The following PCDH10 variants were observed in gnomAD, a reference collection of about 807,000 sequenced individuals.
PCDH10 encodes the protein protocadherin 10, also known as protocadherin-10.
Under a neutral mutation model 74.4 loss-of-function variants are expected in PCDH10, and 15 were observed. That is an observed-to-expected ratio of 0.20 (90% CI 0.13 to 0.31). PCDH10 has a LOEUF of 0.31. Ranked by LOEUF, PCDH10 falls within the 10% of genes least tolerant of loss-of-function variation. The pLI is 1.00. For synonymous variants in PCDH10, 619 were observed against 589.8 expected (o/e 1.05, Z -0.72); for missense variants, 1,260 against 1,390.2 (o/e 0.91, Z 1.49).
intron 4 of PCDH10, among the ~76,000 whole-genome samples, chr4:133,167,637 T>C (rs1475438075): frequency 6.6e-6 from 1 of 151,508 alleles, no homozygotes; most frequent in East Asian, 1.9e-4. Flanking sequence ...TGTTAATTTC[T>C]GATTAGTTCT....
intron 4 of PCDH10, among the ~76,000 whole-genome samples, chr4:133,186,417 A>G (rs1727542707): frequency 6.6e-6 from 1 of 152,168 alleles, no homozygotes; most frequent in African/African-American, 2.4e-5. Flanking sequence ...ATGCTGATGC[A>G]TCACAAGAAA....
In PCDH10 at chr4:133,194,020, G is replaced by A. The variant is rs1301066758; in HGVS notation, c.*3860G>A. The A allele has an allele frequency of 6.6e-6, 1 of 151,712 alleles. No homozygotes were observed. The highest frequency in any genetic ancestry group is 1.5e-5 in the Non-Finnish European group (1 of 67,738). 9.4% of individuals were successfully genotyped at this position (151,712 alleles called of 1,614,324 possible). ...ACAAAATCCTTATACAGTAATTTGT[G>A]AAACTGTTCAGTAGAGTATTCTTTT... On this transcript the variant is annotated 3_prime_UTR_variant, in exon 5 of 5. Coordinates refer to ENST00000264360, the MANE Select transcript of PCDH10 (RefSeq NM_032961.3).
intron 4 of PCDH10, among the ~76,000 whole-genome samples, chr4:133,181,616 C>T (rs1298084776): frequency 6.6e-6 from 1 of 152,024 alleles, no homozygotes; most frequent in Admixed American, 6.6e-5. Flanking sequence ...AAGGGGTTAT[C>T]AGAACGTGTA....
chr4:133,156,391 C>T (rs1726864404), intron 3 of PCDH10, among the ~76,000 whole-genome samples: 2 of 152,354 alleles, frequency 1.3e-5, no homozygotes, highest in South Asian at 2.1e-4. Flanking sequence ...CAAGAATCCC[C>T]GGAGGTCTCT....
In PCDH10 at chr4:133,152,636, C is replaced by T. The variant is rs1453872263; in HGVS notation, c.2496C>T (p.Thr832=). 3 of 1,614,198 alleles carry T rather than the reference C, an allele frequency of 1.9e-6. No individual in the cohort carries two copies. The highest frequency in any genetic ancestry group is 2.2e-5 in the South Asian group (2 of 91,080). The change falls in exon 1 of 5, where the codon ACC becomes ACT. Residue 832 remains threonine (T), a synonymous_variant. Transcript: ENST00000264360. ...QVCLTPESAK[T]DLMFLKPCSP... Reference sequence around the variant, plus strand: ...GCCTGACCCCTGAGTCCGCCAAGACCGACCTGATGTTTCTTAAGCCCTGCA... The same window carrying T: ...GCCTGACCCCTGAGTCCGCCAAGACTGACCTGATGTTTCTTAAGCCCTGCA...
chr4:133,185,260 A>G (rs1727521767), intron 4 of PCDH10, among the ~76,000 whole-genome samples: 1 of 150,986 alleles, frequency 6.6e-6, no homozygotes, highest in African/African-American at 2.4e-5. Flanking sequence ...TTAAAATCCA[A>G]ACAATATACA....
downstream of PCDH10, among the ~76,000 whole-genome samples, chr4:133,199,266 T>C (rs1727854384): frequency 6.8e-6 from 1 of 147,740 alleles, no homozygotes; most frequent in South Asian, 2.2e-4. Flanking sequence ...CCAGCCTGGG[T>C]GACAGAGTGA....
intron 3 of PCDH10, among the ~76,000 whole-genome samples, chr4:133,161,339 A>T (rs1164667935): frequency 6.6e-6 from 1 of 152,146 alleles, no homozygotes; most frequent in Non-Finnish European, 1.5e-5. Context: ...GTTACTTTTT[A>T]AAATTTATGT....
intron 1 of PCDH10, 72 bp downstream of exon 1, chr4:133,152,843 T>C (rs369959244): frequency 2.5e-6 from 4 of 1,595,538 alleles, no homozygotes; most frequent in Non-Finnish European, 3.4e-6. Context: ...CCGGCCCTTG[T>C]ATCTCTGGTG....
intron 3 of PCDH10, among the ~76,000 whole-genome samples, chr4:133,162,100 T>A (rs1375790878): frequency 6.6e-6 from 1 of 152,174 alleles, no homozygotes; most frequent in Non-Finnish European, 1.5e-5. Flanking sequence ...AATTTGAACT[T>A]GTCCTTTGAA....
At chr4:133,178,723 A>G (rs1029444753) in intron 4 of PCDH10, among the ~76,000 whole-genome samples, 17 of 151,850 alleles carry the variant, frequency 1.1e-4, no homozygotes, top group African/African-American at 3.9e-4. Context: ...ATGTGTTTTC[A>G]CTAATTCTGT....
Position 133,150,953 on chromosome 4 carries a change from G to A in PCDH10, c.813G>A (p.Gln271=), listed in dbSNP as rs758809294. 6.2e-7 allele frequency: 1 copy of A among 1,613,940 alleles called. No individual in the cohort carries two copies. The highest frequency in any genetic ancestry group is 8.5e-7 in the Non-Finnish European group (1 of 1,180,030). ...CTCCCCCAGGCACTCTCGTGATCCA[G>A]CTCAACGCCACCGACCCGGACGAGG... The part of the protein sequence containing the change: ...ENSPPGTLVI[Q]LNATDPDEGQ... The change falls in exon 1 of 5, where the codon CAG becomes CAA. Residue 271 remains glutamine (Q), a synonymous_variant. Coordinates refer to ENST00000264360, the MANE Select transcript of PCDH10 (RefSeq NM_032961.3).
At chr4:133,199,271 G>T (rs181972267), downstream of PCDH10, among the ~76,000 whole-genome samples, 1,231 of 145,738 alleles carry the variant, frequency 8.4e-3, 17 homozygotes, top group African/African-American at 0.03. Flanking sequence ...CTGGGTGACA[G>T]AGTGAAACCC....
intron 4 of PCDH10, among the ~76,000 whole-genome samples, chr4:133,185,316 G>A (rs1287358910): frequency 1.3e-5 from 2 of 151,470 alleles, no homozygotes; most frequent in Non-Finnish European, 2.9e-5. Context: ...TCAAATGGAA[G>A]GCAAATGAAA....
chr4:133,190,744 A>G lies in PCDH10; in HGVS notation c.*584A>G, dbSNP rs1055300541. ...TACTGTACTATTTCAAAGCTTCTAA[A>G]TAAATATAAAATATATATATTATAT... On this transcript the variant is annotated 3_prime_UTR_variant, in exon 5 of 5. Coordinates refer to ENST00000264360, the MANE Select transcript of PCDH10 (RefSeq NM_032961.3). The G allele has an allele frequency of 2.0e-5, 3 of 150,378 alleles. No individual in the cohort carries two copies. The highest frequency in any genetic ancestry group is 7.3e-5 in the African/African-American group (3 of 41,114). 9.3% of individuals were successfully genotyped at this position (150,378 alleles called of 1,614,324 possible).
intron 4 of PCDH10, among the ~76,000 whole-genome samples, chr4:133,176,182 T>C (rs544033845): frequency 1.1e-4 from 17 of 152,108 alleles, no homozygotes; most frequent in Non-Finnish European, 2.4e-4. Context: ...TAGCCTACTA[T>C]GGATTTATGA....
intron 4 of PCDH10, among the ~76,000 whole-genome samples, chr4:133,173,219 C>T (rs1727233094): frequency 6.6e-6 from 1 of 151,794 alleles, no homozygotes; most frequent in African/African-American, 2.4e-5. Context: ...AATGGCGTAT[C>T]TGAAGAGAGT....
chr4:133,165,473 T>C (rs1432788614), intron 4 of PCDH10, among the ~76,000 whole-genome samples: 1 of 151,724 alleles, frequency 6.6e-6, no homozygotes, highest in Non-Finnish European at 1.5e-5. Flanking sequence ...CAAATTCATA[T>C]GGTGATAGTT....
At chr4:133,195,395 A>T (rs550989867), downstream of PCDH10, among the ~76,000 whole-genome samples, 9 of 152,242 alleles carry the variant, frequency 5.9e-5, no homozygotes, top group African/African-American at 2.2e-4. Context: ...CGAATAAAAT[A>T]CAGAAGAATG....
Sources: gnomAD v4.1 joint callset for allele counts (sites outside exome capture counted in the v4.1 genomes callset) on GRCh38, gnomAD v4.1.1 for gene constraint, MANE v1.5 for transcripts, NCBI Gene and HGNC (gene_info 2026-07-23, HGNC 2026-07-21) for gene names.